The following HLTF variants were observed in gnomAD, a reference collection of about 807,000 sequenced individuals.
The protein encoded by HLTF is helicase like transcription factor, also known as DNA-dependent ATPase/E3 ubiquitin-protein ligase HLTF.
HLTF carries 127 observed loss-of-function variants against 129.4 expected under a neutral mutation model. The observed-to-expected ratio is 0.98, with a 90% confidence interval of 0.85 to 1.14. The LOEUF (loss-of-function observed/expected upper bound fraction) is 1.14, where lower values mean the gene tolerates loss of function less well. HLTF is among the 50% of genes most tolerant of loss of function. The pLI is 0.00. For synonymous variants in HLTF, 332 were observed against 388.8 expected, an observed-to-expected ratio of 0.85 and a Z score of 1.72; for missense variants, 1,139 against 1,187.1, an observed-to-expected ratio of 0.96 and a Z score of 0.60.
At chr3:149,035,188 TC>T (rs1474347322) in intron 23 of HLTF, among the ~76,000 whole-genome samples, 190 bp from the exon 24 acceptor site, 1 of 151,848 alleles carries the variant, frequency 6.6e-6, no homozygotes, top group Non-Finnish European at 1.5e-5. Context: ...ATAGGCATCC[TC>T]CCCCTACTAC....
intron 2 of HLTF, among the ~76,000 whole-genome samples, chr3:149,078,916 C>T (rs73866949): frequency 3.3e-5 from 5 of 151,180 alleles, no homozygotes; most frequent in Admixed American, 6.6e-5. Flanking sequence ...GACATGAAAA[C>T]GCATGTCTAA....
rs1719780178 is a variant in HLTF, at chr3:149,080,516, C to T, written c.228+4166G>A. ...TATCTATGAGGCAGAGCTATGTTCT[C>T]TCCCAGTCGCCACCCCTCTGCCACT... is the stretch of plus-strand genomic sequence containing the variant. On this transcript the variant is annotated intron_variant, in intron 2 of 24. Coordinates refer to ENST00000310053, the MANE Select transcript of HLTF (RefSeq NM_003071.4). Among the ~76,000 whole-genome samples the T allele has an allele frequency of 2.0e-5, 3 of 152,110 alleles. No individual in the cohort carries two copies. The South Asian group carries it at 6.2e-4, about 31-fold the overall frequency.
chr3:149,084,939 CA>C, intron 1 of HLTF, 50 bp from the exon 2 acceptor site: 1 of 1,343,882 alleles, frequency 7.4e-7, no homozygotes, highest in Non-Finnish European at 1.1e-6. Context: ...TAAGTATTTC[CA>C]AAGACCATAT....
chr3:149,086,292 GC>G, intron 1 of HLTF, 24 bp downstream of exon 1: 1 of 1,600,426 alleles, frequency 6.2e-7, no homozygotes, highest in Non-Finnish European at 8.5e-7. Flanking sequence ...TAGACCGAGC[GC>G]CCCACCCCCT....
chr3:149,041,078 C>A (rs1716094803), intron 20 of HLTF, among the ~76,000 whole-genome samples: 1 of 152,062 alleles, frequency 6.6e-6, no homozygotes, highest in Non-Finnish European at 1.5e-5. Context: ...TAAGTATACA[C>A]CACCACCAAA....
At chr3:149,068,691 T>C (rs993356924) in intron 7 of HLTF, among the ~76,000 whole-genome samples, 2 of 152,212 alleles carry the variant, frequency 1.3e-5, no homozygotes, top group African/African-American at 2.4e-5. Context: ...CTAAAGTGAT[T>C]AGTAATTCCA....
intron 23 of HLTF, among the ~76,000 whole-genome samples, chr3:149,037,532 T>C (rs535953497): frequency 1.3e-5 from 2 of 150,926 alleles, no homozygotes; most frequent in East Asian, 3.9e-4. Context: ...TATTCACCCA[T>C]GAAGGCCTAA....
rs761216314 is a variant in HLTF, at chr3:149,042,263, T to C, written c.2100A>G (p.Ala700=). The part of the protein sequence containing the change: ...GRYFNEGTVL[A]HYADVLGLLL... ...AAAGACCCAGGACATCTGCATAATG[T>C]GCCAGGACAGTCCCTTCATTAAAAT... The change falls in exon 19 of 25, where the codon GCA becomes GCG. Residue 700 remains alanine, a synonymous_variant. Transcript: ENST00000310053. 1.2e-6 allele frequency: 2 copies of C among 1,612,702 alleles called. No homozygotes were observed.
intron 10 of HLTF, chr3:149,063,217 G>A (rs762322616): frequency 1.9e-4 from 87 of 448,906 alleles, no homozygotes; most frequent in Non-Finnish European, 3.3e-4. Flanking sequence ...CCACGACCAC[G>A]CCTGGCTAAT....
intron 2 of HLTF, among the ~76,000 whole-genome samples, chr3:149,076,411 C>T (rs1055043555): frequency 6.6e-6 from 1 of 152,198 alleles, no homozygotes; most frequent in East Asian, 1.9e-4. Flanking sequence ...ATTGCACAGA[C>T]TGACTTTTTA....
intron 13 of HLTF, among the ~76,000 whole-genome samples, chr3:149,056,800 A>G (rs1174025076): frequency 6.6e-6 from 1 of 152,198 alleles, no homozygotes; most frequent in Non-Finnish European, 1.5e-5. Context: ...ATTTTTGTTA[A>G]CCAAACGTGG....
chr3:149,049,770 A>G (rs1716830145), intron 15 of HLTF, among the ~76,000 whole-genome samples: 1 of 152,224 alleles, frequency 6.6e-6, no homozygotes, highest in Non-Finnish European at 1.5e-5. Flanking sequence ...AGGTGGGTGG[A>G]TCACCTGAGG....
chr3:149,073,344 G>A (rs1193931625), intron 4 of HLTF, 22 bp from the exon 5 acceptor site: 1 of 1,491,078 alleles, frequency 6.7e-7, no homozygotes, highest in East Asian at 2.3e-5. Flanking sequence ...AAAATAAAAA[G>A]AATAAAGCCA....
chr3:149,032,685 G>A (rs978483193), intron 24 of HLTF, among the ~76,000 whole-genome samples: 4 of 152,132 alleles, frequency 2.6e-5, no homozygotes, highest in African/African-American at 9.7e-5. Flanking sequence ...CATTCTGGCC[G>A]GGCACGGTGG....
intron 22 of HLTF, among the ~76,000 whole-genome samples, 173 bp from the exon 23 acceptor site, chr3:149,039,402 C>G (rs1332484732): frequency 6.6e-6 from 1 of 152,096 alleles, no homozygotes; most frequent in East Asian, 1.9e-4. Context: ...CTGATAAATT[C>G]AGGACTTAAT....
At chr3:149,049,027 A>T (rs1716774368) in intron 15 of HLTF, 26 bp from the exon 16 acceptor site, 3 of 1,506,284 alleles carry the variant, frequency 2.0e-6, no homozygotes, top group South Asian at 1.2e-5. Context: ...TATATGAATT[A>T]AAAAACACAG....
chr3:149,077,657 C>T (rs868298037), intron 2 of HLTF, among the ~76,000 whole-genome samples: 1 of 150,860 alleles, frequency 6.6e-6, no homozygotes, highest in South Asian at 2.1e-4. Flanking sequence ...TCTAGAAGGC[C>T]GTAAGCAAGC....
chr3:149,038,563 C>T (rs78415713), intron 23 of HLTF, among the ~76,000 whole-genome samples: 4,481 of 152,114 alleles, frequency 0.029, 86 homozygotes, highest in South Asian at 0.07. Context: ...AGTGCAGTGA[C>T]AGGAGCATGG....
chr3:149,071,298 C>G lies in HLTF; in HGVS notation c.848G>C (p.Arg283Pro). Residue 283 changes from arginine to proline, a missense_variant, in exon 7 of 25, where the codon CGA becomes CCA. Coordinates refer to ENST00000310053, the MANE Select transcript of HLTF (RefSeq NM_003071.4). ...AATTCCTCCATGGACATTTTCTGGT[C>G]GGTCCTTCTCAGAAAAATTTGTTAT... ...NTITNFSEKD[R>P]PENVHGGILA... 2 of 1,605,576 alleles carry G rather than the reference C, an allele frequency of 1.2e-6. No individual in the cohort carries two copies. The highest frequency in any genetic ancestry group is 1.7e-6 in the Non-Finnish European group (2 of 1,175,968).
Sources: gnomAD v4.1 joint callset for allele counts (sites outside exome capture counted in the v4.1 genomes callset) on GRCh38, gnomAD v4.1.1 for gene constraint, MANE v1.5 for transcripts, NCBI Gene and HGNC (gene_info 2026-07-23, HGNC 2026-07-21) for gene names.